The following PRLR variants were observed in gnomAD, a reference collection of about 807,000 sequenced individuals.
PRLR encodes the protein hPRL receptor.
Under a neutral mutation model 40.2 loss-of-function variants are expected in PRLR, and 13 were observed. That is an observed-to-expected ratio of 0.32 (90% CI 0.21 to 0.51). PRLR has a LOEUF of 0.51. Ranked by LOEUF, PRLR falls within the 20% of genes least tolerant of loss-of-function variation. PRLR has a pLI of 0.97. For missense variants in PRLR, 656 were observed against 747.3 expected (o/e 0.88, Z 1.42); for synonymous variants, 269 against 278.7 (o/e 0.97, Z 0.35).
At chr5:35,077,769 TC>T (rs1490688759) in intron 5 of PRLR, among the ~76,000 whole-genome samples, 1 of 152,062 alleles carries the variant, frequency 6.6e-6, no homozygotes, top group East Asian at 1.9e-4. Context: ...CAGCACCACA[TC>T]ACATGTATTC....
chr5:35,097,104 A>G (rs1281255750), intron 2 of PRLR, among the ~76,000 whole-genome samples: 5 of 152,170 alleles, frequency 3.3e-5, no homozygotes, highest in Admixed American at 3.3e-4. Flanking sequence ...TGAGTCCTCT[A>G]AGGCAGCCTT....
intron 1 of PRLR, among the ~76,000 whole-genome samples, chr5:35,194,718 A>T (rs1341104762): frequency 6.6e-6 from 1 of 152,194 alleles, no homozygotes. Flanking sequence ...TTCAGAAAAG[A>T]CACAAGTATA....
At chr5:35,100,730 T>C (rs1771825997) in intron 2 of PRLR, among the ~76,000 whole-genome samples, 1 of 152,206 alleles carries the variant, frequency 6.6e-6, no homozygotes, top group Admixed American at 6.5e-5. Flanking sequence ...TGCATGACTG[T>C]ACTTCTAGCC....
chr5:35,135,260 G>C (rs946374718), intron 1 of PRLR: 21 of 152,268 alleles, frequency 1.4e-4, no homozygotes, highest in African/African-American at 4.6e-4. Flanking sequence ...AATGCAGAGA[G>C]AACCAGGGCA....
chr5:35,176,083 C>T (rs1775139981), intron 1 of PRLR, among the ~76,000 whole-genome samples: 2 of 151,904 alleles, frequency 1.3e-5, no homozygotes, highest in South Asian at 4.2e-4. Context: ...ACATGCAGCC[C>T]CCATGTTTAT....
chr5:35,111,252 C>T (rs140295910), intron 2 of PRLR, among the ~76,000 whole-genome samples: 4,283 of 152,046 alleles, frequency 0.028, 101 homozygotes, highest in Middle Eastern at 0.1. Context: ...ATAATAATGG[C>T]AACATATATT....
intron 1 of PRLR, among the ~76,000 whole-genome samples, chr5:35,155,895 A>G (rs758803362): frequency 6.6e-6 from 1 of 152,232 alleles, no homozygotes; most frequent in Non-Finnish European, 1.5e-5. Context: ...CGCTGTAAAT[A>G]TTAATGACTG....
chr5:35,151,628 CTT>C (rs1327361416), intron 1 of PRLR, among the ~76,000 whole-genome samples: 1 of 151,996 alleles, frequency 6.6e-6, no homozygotes, highest in Non-Finnish European at 1.5e-5. Context: ...TCTTGGAATT[CTT>C]TTCTCTGCAT....
At chr5:35,196,028 C>G (rs1437778498) in intron 1 of PRLR, among the ~76,000 whole-genome samples, 1 of 34,158 alleles carries the variant, frequency 2.9e-5, no homozygotes, top group African/African-American at 1.1e-4. Context: ...GAAATATCGG[C>G]TCTCCCTAAA....
At chr5:35,114,329 T>A (rs989320147) in intron 2 of PRLR, among the ~76,000 whole-genome samples, 1 of 152,204 alleles carries the variant, frequency 6.6e-6, no homozygotes, top group Non-Finnish European at 1.5e-5. Flanking sequence ...GTCGAGAGGG[T>A]CACATGTGCC....
chr5:35,133,732 C>T (rs1252003306), intron 1 of PRLR, among the ~76,000 whole-genome samples: 1 of 152,092 alleles, frequency 6.6e-6, no homozygotes, highest in African/African-American at 2.4e-5. Context: ...TGTTTTCTCT[C>T]CTTAAAGACT....
rs116467736 is a variant in PRLR at position 35,118,166 on chromosome 5, G to C, written c.-105-44C>G. On this transcript the variant is annotated intron_variant, in intron 1 of 9. Coordinates refer to ENST00000618457, the MANE Select transcript of PRLR (RefSeq NM_000949.7). ...CATTTTAGCTCCAAGATGACAAAAC[G>C]GGAGATTCCATTTCTGGCTCACTCT... 3 of 938,154 alleles carry C rather than the reference G, an allele frequency of 3.2e-6. No individual in the cohort carries two copies. The South Asian group carries it at 1.5e-4, about 46-fold the overall frequency. The allele number at this position is 938,154 out of a possible 1,614,324, so 58.1% of individuals were successfully genotyped here. A position where few individuals can be genotyped will look rare whatever the true frequency, so the allele number is the denominator to read the frequency against.
rs1369444841 is a variant in PRLR at position 35,064,849 on chromosome 5, T to C, written c.*240A>G. On this transcript the variant is annotated 3_prime_UTR_variant, in exon 10 of 10. Coordinates refer to ENST00000618457, the MANE Select transcript of PRLR (RefSeq NM_000949.7). Reference sequence around the variant, plus strand: ...ACTAAGCAGTGTGCTTTTATTTCATTGAACACATAGTTTTATAACTAACAG... The same window carrying C: ...ACTAAGCAGTGTGCTTTTATTTCATCGAACACATAGTTTTATAACTAACAG... 3 of 513,716 alleles carry C rather than the reference T, an allele frequency of 5.8e-6. No homozygotes were observed. Among genetic ancestry groups the C allele is most frequent in the Non-Finnish European group, 1.0e-5 (3 of 293,060 alleles). The allele number at this position is 513,716 out of a possible 1,614,324, so 31.8% of individuals were successfully genotyped here. A position where few individuals can be genotyped will look rare whatever the true frequency, so the allele number is the denominator to read the frequency against.
chr5:35,228,309 G>T (rs1208892246), intron 1 of PRLR, among the ~76,000 whole-genome samples: 1 of 151,266 alleles, frequency 6.6e-6, no homozygotes, highest in Non-Finnish European at 1.5e-5. Context: ...AAACTCAGAG[G>T]CTTGCTCAGT....
At chr5:35,073,822 C>A (rs553754910) in intron 5 of PRLR, among the ~76,000 whole-genome samples, 1 of 152,078 alleles carries the variant, frequency 6.6e-6, no homozygotes, top group Non-Finnish European at 1.5e-5. Flanking sequence ...CTGGGGAATG[C>A]AAATCAAAAC....
chr5:35,174,696 G>A (rs981288579), intron 1 of PRLR, among the ~76,000 whole-genome samples: 3 of 152,136 alleles, frequency 2.0e-5, no homozygotes, highest in African/African-American at 7.2e-5. Context: ...CTTGCCTCCT[G>A]TTGTATGACC....
chr5:35,085,488 C>G (rs1036569814), intron 4 of PRLR, among the ~76,000 whole-genome samples: 12 of 152,188 alleles, frequency 7.9e-5, no homozygotes, highest in South Asian at 2.1e-4. Flanking sequence ...CAGAGATGAT[C>G]TGGTTTAGCC....
chr5:35,150,038 C>A (rs555025255), intron 1 of PRLR, among the ~76,000 whole-genome samples: 1 of 152,084 alleles, frequency 6.6e-6, no homozygotes, highest in Non-Finnish European at 1.5e-5. Flanking sequence ...GCATGCGCCA[C>A]GACGCCCAGC....
rs1241690518 is a variant in PRLR at position 35,055,913 on chromosome 5, C to T, written c.*9176G>A. 6.6e-6 allele frequency: 1 copy of T among 152,164 alleles called. No homozygotes were observed. The highest frequency in any genetic ancestry group is 1.5e-5 in the Non-Finnish European group (1 of 68,026). 9.4% of individuals were successfully genotyped at this position (152,164 alleles called of 1,614,324 possible). A position where few individuals can be genotyped will look rare whatever the true frequency, so the allele number is the denominator to read the frequency against. Reference sequence around the variant, plus strand: ...AACTTTATAAGGAGCAAATGTGTCACCTTAAAAATGTACCAGTGGCATTTA... The same window carrying T: ...AACTTTATAAGGAGCAAATGTGTCATCTTAAAAATGTACCAGTGGCATTTA... On this transcript the variant is annotated 3_prime_UTR_variant, in exon 10 of 10. Coordinates refer to ENST00000618457, the MANE Select transcript of PRLR (RefSeq NM_000949.7).
Sources: allele counts gnomAD v4.1 joint callset (sites outside exome capture counted in the v4.1 genomes callset), GRCh38; gene constraint gnomAD v4.1.1; transcripts MANE v1.5; gene names NCBI Gene and HGNC (gene_info 2026-07-23, HGNC 2026-07-21).